Variants in CDX2 observed in about 807,000 individuals in gnomAD.
CDX2 encodes the protein caudal type homeobox 2, also known as homeobox protein CDX-2.
In CDX2, 7 loss-of-function variants were observed where a neutral mutation model predicts 25.5. The observed-to-expected ratio is 0.27, with a 90% CI of 0.16 to 0.52. The LOEUF (loss-of-function observed/expected upper bound fraction) is 0.52, where lower values mean the gene tolerates loss of function less well. CDX2 is among the 20% of genes least tolerant of loss of function. The pLI is 0.97. For synonymous variants in CDX2, 222 were observed against 198.6 expected (o/e 1.12, Z -0.99); for missense variants, 375 against 431.4 (o/e 0.87, Z 1.16).
At position 27,960,940 on chromosome 13, in the gene CDX2, T is replaced by C. The variant is rs1869013123; in HGVS notation, c.*2175A>G. On this transcript the variant is annotated 3_prime_UTR_variant, in exon 3 of 3. Transcript: ENST00000381020. ...TGCTCCACTGTCCAAACAGGGTTTA[T>C]TGACAGGCGTTTCACGGCAACGCAT... Among the ~76,000 whole-genome samples, 1 of 152,250 alleles carries C rather than the reference T, an allele frequency of 6.6e-6. No individual in the cohort carries two copies. The highest frequency in any genetic ancestry group is 2.4e-5 in the African/African-American group (1 of 41,480).
Position 27,968,660 on chromosome 13 carries a change from T to C in CDX2, c.347A>G (p.His116Arg), listed in dbSNP as rs775459380. 1.1e-5 allele frequency: 17 copies of C among 1,533,284 alleles called. No homozygotes were observed. Among genetic ancestry groups the C allele is most frequent in the Non-Finnish European group, 1.4e-5 (16 of 1,144,648 alleles). The allele number at this position is 1,533,284 out of a possible 1,614,324, so 95.0% of individuals were successfully genotyped here. ...GYSSPADYHP[H>R]HHPHHHPHHP... ...GTGCGGGTGGTGATGCGGGTGGTGGTGCGGATGGTAGTCTGCGGGGCTGCT... is the reference window on the plus strand; with the variant it reads ...GTGCGGGTGGTGATGCGGGTGGTGGCGCGGATGGTAGTCTGCGGGGCTGCT... The change falls in exon 1 of 3, where the codon CAC (histidine) becomes CGC (arginine). Residue 116 changes from histidine to arginine, a missense_variant. Coordinates refer to ENST00000381020, the MANE Select transcript of CDX2 (RefSeq NM_001265.6).
intron 1 of CDX2, among the ~76,000 whole-genome samples, chr13:27,965,940 G>A (rs936585565): frequency 5.9e-5 from 9 of 152,172 alleles, no homozygotes; most frequent in Admixed American, 6.5e-5. Context: ...AGGTTCAATC[G>A]CCCAGTGCCC....
chr13:27,966,730 T>TGGAGG (rs1269068660), intron 1 of CDX2, among the ~76,000 whole-genome samples: 1 of 152,078 alleles, frequency 6.6e-6, no homozygotes. Flanking sequence ...AGCGGGGCTA[T>TGGAGG]GGAGGGGAGG....
At chr13:27,967,222 A>G (rs1233313865) in intron 1 of CDX2, 1 of 489,168 alleles carries the variant, frequency 2.0e-6, no homozygotes, top group Non-Finnish European at 4.0e-6. Context: ...CGCCTCCTCT[A>G]GGAGAAGGGA....
At position 27,969,206 on chromosome 13, in the gene CDX2, C is replaced by T; in HGVS notation, c.-200G>A. On this transcript the variant is annotated 5_prime_UTR_variant, in exon 1 of 3. Transcript: ENST00000381020. ...TCCCTCTGGCCTGCCTCCTCCCTCC[C>T]TCCCTTTCTTCCTTCTTTCCTCCCA... 1.8e-6 allele frequency: 1 copy of T among 555,528 alleles called. No homozygotes were observed. Among genetic ancestry groups the T allele is most frequent in the Non-Finnish European group, 3.2e-6 (1 of 316,546 alleles). The allele number at this position is 555,528 out of a possible 1,614,324, so 34.4% of individuals were successfully genotyped here.
At position 27,962,799 on chromosome 13, in the gene CDX2, G is replaced by C. The variant is rs1041590893; in HGVS notation, c.*316C>G. 3.4e-6 allele frequency: 1 copy of C among 298,126 alleles called. No individual in the cohort carries two copies. Among genetic ancestry groups the C allele is most frequent in the Admixed American group, 4.7e-5 (1 of 21,068 alleles). The allele number at this position is 298,126 out of a possible 1,614,324, so 18.5% of individuals were successfully genotyped here. A position where few individuals can be genotyped will look rare whatever the true frequency, so the allele number is the denominator to read the frequency against. On this transcript the variant is annotated 3_prime_UTR_variant, in exon 3 of 3. Transcript: ENST00000381020. ...ATCTAGGAAGAGAAGAGCTGGGGAG[G>C]AGGATGAAGGCCTGGTTGGTGTGGT...
Position 27,961,228 on chromosome 13 carries a change from G to A in CDX2, c.*1887C>T, listed in dbSNP as rs1254430393. The stretch of plus-strand genomic sequence containing the variant: ...AATCCTGGAGCTGTATACGCCACCC[G>A]GAAGGGCCGCGGAATTGGAGAGGTG... On this transcript the variant is annotated 3_prime_UTR_variant, in exon 3 of 3. Transcript: ENST00000381020. Among the ~76,000 whole-genome samples the A allele has an allele frequency of 9.2e-5, 14 of 152,230 alleles. No homozygotes were observed.
rs1162089041 is a variant in CDX2, at chr13:27,968,635, G to A, written c.372C>T (p.His124=). 4.5e-6 allele frequency: 7 copies of A among 1,538,524 alleles called. No homozygotes were observed. The African/African-American group carries it at 5.6e-5, about 12-fold the overall frequency. The change falls in exon 1 of 3, where the codon CAC becomes CAT. Residue 124 remains histidine (H), a synonymous_variant. Coordinates refer to ENST00000381020, the MANE Select transcript of CDX2 (RefSeq NM_001265.6). The part of the protein sequence containing the change: ...HPHHHPHHHP[H]HPAAAPSCAS... ...CGCAGGAAGGCGCGGCGGCCGGGTGGTGCGGGTGGTGATGCGGGTGGTGGT... is the reference window on the plus strand; with the variant it reads ...CGCAGGAAGGCGCGGCGGCCGGGTGATGCGGGTGGTGATGCGGGTGGTGGT...
At chr13:27,963,586 C>T (rs1022457733) in intron 2 of CDX2, among the ~76,000 whole-genome samples, 2 of 152,144 alleles carry the variant, frequency 1.3e-5, no homozygotes, top group African/African-American at 4.8e-5. Context: ...TTCCTTGCTC[C>T]CTGAGTTTCT....
chr13:27,966,737 G>A (rs1261406824), intron 1 of CDX2, among the ~76,000 whole-genome samples: 1 of 152,182 alleles, frequency 6.6e-6, no homozygotes, highest in Non-Finnish European at 1.5e-5. Flanking sequence ...CTATGGAGGG[G>A]AGGGATGAGA....
chr13:27,966,244 C>T (rs1178178118), intron 1 of CDX2, among the ~76,000 whole-genome samples: 2 of 152,248 alleles, frequency 1.3e-5, no homozygotes, highest in African/African-American at 4.8e-5. Context: ...ATCCCCCTCC[C>T]CGCCAGGCGC....
At chr13:27,963,837 A>G (rs1869185635) in intron 2 of CDX2, among the ~76,000 whole-genome samples, 1 of 152,168 alleles carries the variant, frequency 6.6e-6, no homozygotes, top group Admixed American at 6.5e-5. Context: ...GTTTTTCTAG[A>G]CTATATATAT....
At position 27,964,728 on chromosome 13, in the gene CDX2, AAAAG is replaced by A; in HGVS notation, c.687+138_687+141del. 1 of 611,806 alleles carries A rather than the reference AAAAG, an allele frequency of 1.6e-6. No homozygotes were observed. The allele number at this position is 611,806 out of a possible 1,614,324, so 37.9% of individuals were successfully genotyped here. ...CTGTTTAAAAAAAAAAAAAAAAAAA[AAAAG>A]GACTCCAAAGACGAATGCTTGCATC... On this transcript the variant is annotated intron_variant, in intron 2 of 2. Coordinates refer to ENST00000381020, the MANE Select transcript of CDX2 (RefSeq NM_001265.6). This position sits in a 1 kb window ranked among gnomAD's most constrained non-coding sequence, Gnocchi z 4.7.
At chr13:27,967,454 C>A in intron 1 of CDX2, 4 of 458,558 alleles carry the variant, frequency 8.7e-6, no homozygotes, top group South Asian at 7.7e-5. Context: ...CATCAAGGAG[C>A]GAAGCAAGAA....
chr13:27,968,773 A>T lies in CDX2; in HGVS notation c.234T>A (p.Asn78Lys). The T allele has an allele frequency of 6.6e-7, 1 of 1,512,128 alleles. No homozygotes were observed. Among genetic ancestry groups the T allele is most frequent in the Non-Finnish European group, 8.8e-7 (1 of 1,135,530 alleles). 93.7% of individuals were successfully genotyped at this position (1,512,128 alleles called of 1,614,324 possible). A position where few individuals can be genotyped will look rare whatever the true frequency, so the allele number is the denominator to read the frequency against. ...CCGCGGCGCCTCCGGGCGCGTAGCC[A>T]TTCCAGTCCTCCCGGAGTGGGGCGC... is the stretch of plus-strand genomic sequence containing the variant. ...AYGAPLREDWNGYAPGGAAAA... is the reference protein window; with the variant it reads ...AYGAPLREDWKGYAPGGAAAA... Residue 78 changes from asparagine (N) to lysine (K), a missense_variant, in exon 1 of 3, where the codon AAT becomes AAA. Around this residue, in one of 3 missense-constraint regions of CDX2, gnomAD observed 253 missense variants for 247.5 expected, o/e 1.02. Coordinates refer to ENST00000381020, the MANE Select transcript of CDX2 (RefSeq NM_001265.6).
At chr13:27,965,953 T>C (rs988442460) in intron 1 of CDX2, among the ~76,000 whole-genome samples, 2 of 152,142 alleles carry the variant, frequency 1.3e-5, no homozygotes, top group African/African-American at 4.8e-5. Flanking sequence ...CAGTGCCCAA[T>C]CCCACAGAAA....
Position 27,964,760 on chromosome 13 carries a change from C to T in CDX2, c.687+110G>A. 1.1e-6 allele frequency: 1 copy of T among 916,584 alleles called. No homozygotes were observed. Among genetic ancestry groups the T allele is most frequent in the Non-Finnish European group, 1.7e-6 (1 of 596,182 alleles). The allele number at this position is 916,584 out of a possible 1,614,324, so 56.8% of individuals were successfully genotyped here. On this transcript the variant is annotated intron_variant, in intron 2 of 2. Transcript: ENST00000381020. This position sits in a 1 kb window ranked among gnomAD's most constrained non-coding sequence, Gnocchi z 4.7. ...CTCCAAAGACGAATGCTTGCATCCT[C>T]CTGCTTCAGTCTCTCCACAGATTTA...
chr13:27,964,890 G>T lies in CDX2; in HGVS notation c.667C>A (p.Leu223Met). The change falls in exon 2 of 3, where the codon CTG becomes ATG. Residue 223 changes from leucine (L) to methionine (M), a missense_variant. Coordinates refer to ENST00000381020, the MANE Select transcript of CDX2 (RefSeq NM_001265.6). The surrounding 1 kb of genome is among the most constrained non-coding windows in gnomAD (Gnocchi z 4.7). ...IRRKAELAATLGLSERQVKIW... is the reference protein window; with the variant it reads ...IRRKAELAATMGLSERQVKIW... ...CCCACCTGCCTCTCAGAGAGCCCCA[G>T]CGTGGCGGCTAGCTCGGCTTTCCTC... The T allele has an allele frequency of 6.2e-7, 1 of 1,614,126 alleles. No homozygotes were observed. Among genetic ancestry groups the T allele is most frequent in the Non-Finnish European group, 8.5e-7 (1 of 1,180,024 alleles).
rs186344616 is a variant in CDX2 at position 27,963,147 on chromosome 13, C to T, written c.910G>A (p.Gly304Arg). 5.4e-5 allele frequency: 87 copies of T among 1,614,012 alleles called. No individual in the cohort carries two copies. In the East Asian group the frequency reaches 1.1e-3, roughly 21 times the overall value. The change falls in exon 3 of 3, where the codon GGG (glycine) becomes AGG (arginine). Residue 304 changes from glycine (G) to arginine (R), a missense_variant. Gly to Arg is a moderately radical substitution (Grantham distance 125, BLOSUM62 -2). Around this residue, in one of 3 missense-constraint regions of CDX2, gnomAD observed 58 missense variants for 59.4 expected, o/e 0.98. Transcript: ENST00000381020. ...GTGACGGTGGGGTTTAGCACCCCCCCAGTTGGCCCCAGAACCCCAGGGACA... is the reference window on the plus strand; with the variant it reads ...GTGACGGTGGGGTTTAGCACCCCCCTAGTTGGCCCCAGAACCCCAGGGACA... ...GSVPGVLGPTGGVLNPTVTQ is the reference protein window; with the variant it reads ...GSVPGVLGPTRGVLNPTVTQ
Sources: allele counts gnomAD v4.1 joint callset (sites outside exome capture counted in the v4.1 genomes callset), GRCh38; gene constraint gnomAD v4.1.1; regional missense constraint gnomAD v4.1.1; non-coding constraint Gnocchi (gnomAD v3.1); transcripts MANE v1.5; gene names NCBI Gene and HGNC (gene_info 2026-07-23, HGNC 2026-07-21).